Variants in PGGT1B observed in about 807,000 individuals in gnomAD.
The protein encoded by PGGT1B is protein geranylgeranyltransferase type I subunit beta.
PGGT1B carries 30 observed loss-of-function variants against 46.1 expected under a neutral mutation model. The ratio of observed to expected loss-of-function variants is 0.65; its 90% CI spans 0.49 to 0.88. The LOEUF is 0.88. Ranked by LOEUF, PGGT1B falls within the 40% of genes least tolerant of loss-of-function variation. The pLI is 0.00. For missense variants in PGGT1B, 376 were observed against 455.9 expected (o/e 0.82, Z 1.60); for synonymous variants, 170 against 160.0 (o/e 1.06, Z -0.47).
intron 5 of PGGT1B, among the ~76,000 whole-genome samples, chr5:115,233,775 C>CA (rs930684804): frequency 1.1e-4 from 16 of 151,538 alleles, no homozygotes; most frequent in Non-Finnish European, 1.8e-4. Flanking sequence ...AAGGTAAAAA[C>CA]AAAAAAAGTA....
chr5:115,230,376 G>C (rs538563305), intron 6 of PGGT1B, among the ~76,000 whole-genome samples: 54 of 152,074 alleles, frequency 3.6e-4, no homozygotes, highest in Non-Finnish European at 7.5e-4. Context: ...AAGAATGGAA[G>C]CTTATTTATC....
chr5:115,238,563 T>C (rs749103343), intron 3 of PGGT1B, among the ~76,000 whole-genome samples: 38 of 152,112 alleles, frequency 2.5e-4, no homozygotes, highest in Non-Finnish European at 3.1e-4. Flanking sequence ...GAAAAAAAGA[T>C]TTCTAAAACA....
rs1324315327 is a variant in PGGT1B, at chr5:115,207,292, AATATTC to A, written c.*5104_*5109del. 1 of 149,968 alleles carries A rather than the reference AATATTC, an allele frequency of 6.7e-6. No homozygotes were observed. The highest frequency in any genetic ancestry group is 2.5e-5 in the African/African-American group (1 of 40,786). 9.3% of individuals were successfully genotyped at this position (149,968 alleles called of 1,614,324 possible). On this transcript the variant is annotated 3_prime_UTR_variant, in exon 9 of 9. Coordinates refer to ENST00000419445, the MANE Select transcript of PGGT1B (RefSeq NM_005023.4). ...TGCACAAATCATATACAGCTTGATAAATATTCATAAGGTGAATGCACCTACGTAACC... is the reference window on the plus strand; with the variant it reads ...TGCACAAATCATATACAGCTTGATAAATAAGGTGAATGCACCTACGTAACC...
intron 1 of PGGT1B, among the ~76,000 whole-genome samples, chr5:115,260,364 C>T (rs1263017344): frequency 6.6e-6 from 1 of 152,000 alleles, no homozygotes; most frequent in Non-Finnish European, 1.5e-5. Context: ...ACACTGTATA[C>T]CTGTACCTAG....
intron 8 of PGGT1B, 96 bp downstream of exon 8, chr5:115,216,769 T>G (rs1756431791): frequency 1.4e-6 from 1 of 706,914 alleles, no homozygotes; most frequent in African/African-American, 1.8e-5. Flanking sequence ...ACTTTGCAAC[T>G]GGATATATTT....
intron 2 of PGGT1B, among the ~76,000 whole-genome samples, chr5:115,249,301 A>G (rs12153252): frequency 0.011 from 1,625 of 152,296 alleles, 9 homozygotes; most frequent in Non-Finnish European, 0.017. Flanking sequence ...ATAGCACTCA[A>G]ATATAAAATT....
At chr5:115,224,833 CAA>C (rs551706210) in intron 6 of PGGT1B, among the ~76,000 whole-genome samples, 5 of 65,714 alleles carry the variant, frequency 7.6e-5, no homozygotes, top group Admixed American at 3.2e-4. Flanking sequence ...GACTATGTCT[CAA>C]AAAAAAAAAA....
chr5:115,216,286 C>T (rs1561469381), intron 8 of PGGT1B, among the ~76,000 whole-genome samples: 2 of 152,044 alleles, frequency 1.3e-5, no homozygotes, highest in South Asian at 2.1e-4. Context: ...ACTACAGGCA[C>T]GCATCACCAC....
rs1227014772 is a variant in PGGT1B at position 115,241,566 on chromosome 5, G to A, written c.300C>T (p.Tyr100=). 4.4e-6 allele frequency: 7 copies of A among 1,607,784 alleles called. No homozygotes were observed. In the South Asian group the frequency reaches 5.5e-5, roughly 13 times the overall value. ...LNRCGFRGSS[Y]LGIPFNPSKA... is the part of the protein sequence containing the mutation. The stretch of plus-strand genomic sequence containing the variant: ...TTGATGGATTGAACGGAATACCCAG[G>A]TATGAAGAGCCTCGGAAACCACAGC... Residue 100 remains tyrosine, a synonymous_variant, in exon 3 of 9, where the codon TAC becomes TAT. Coordinates refer to ENST00000419445, the MANE Select transcript of PGGT1B (RefSeq NM_005023.4).
intron 1 of PGGT1B, among the ~76,000 whole-genome samples, chr5:115,260,355 C>T (rs1748501719): frequency 6.6e-6 from 1 of 152,048 alleles, no homozygotes; most frequent in African/African-American, 2.4e-5. Context: ...ATTAGTTTAA[C>T]ACTGTATACC....
intron 8 of PGGT1B, among the ~76,000 whole-genome samples, chr5:115,214,622 T>G (rs564249232): frequency 6.6e-6 from 1 of 152,302 alleles, no homozygotes; most frequent in East Asian, 1.9e-4. Flanking sequence ...CTGAAAACAT[T>G]GTAATGTATC....
chr5:115,245,389 T>C (rs181637147), intron 2 of PGGT1B, among the ~76,000 whole-genome samples: 2 of 152,332 alleles, frequency 1.3e-5, no homozygotes, highest in Admixed American at 1.3e-4. Context: ...AAAAGTACCA[T>C]ATAAGGTTAG....
rs561213782 is a variant in PGGT1B, at chr5:115,240,281, G to GC, written c.327+1257_327+1258insG. ...ATTTTACTCCTGTTATTTTGAAAAT[G>GC]TTTTGGTGCAGGCGTTGGTTGGGGG... On this transcript the variant is annotated intron_variant, in intron 3 of 8. Transcript: ENST00000419445. 6.6e-5 allele frequency among the ~76,000 whole-genome samples: 10 copies of GC among 152,258 alleles called. No individual in the cohort carries two copies. In the East Asian group the frequency reaches 1.7e-3, roughly 26 times the overall value.
chr5:115,238,484 C>A (rs890220143), intron 3 of PGGT1B, among the ~76,000 whole-genome samples: 2 of 150,998 alleles, frequency 1.3e-5, no homozygotes, highest in Non-Finnish European at 3.0e-5. Context: ...ATTATTTAAA[C>A]CTCAAACTTA....
At chr5:115,235,830 T>C (rs926060126) in intron 5 of PGGT1B, among the ~76,000 whole-genome samples, 1 of 152,108 alleles carries the variant, frequency 6.6e-6, no homozygotes, top group Non-Finnish European at 1.5e-5. Flanking sequence ...TATGAAAAGT[T>C]GAATTAACAG....
intron 1 of PGGT1B, among the ~76,000 whole-genome samples, chr5:115,261,098 G>A (rs1748538002): frequency 6.6e-6 from 1 of 152,144 alleles, no homozygotes; most frequent in Admixed American, 6.5e-5. Flanking sequence ...ACAAAAACAG[G>A]ATGGAAGACT....
At chr5:115,215,292 G>A (rs1294831553) in intron 8 of PGGT1B, among the ~76,000 whole-genome samples, 5 of 150,820 alleles carry the variant, frequency 3.3e-5, no homozygotes, top group East Asian at 2.0e-4. Flanking sequence ...CACTGCACCC[G>A]GCCATTTATT....
chr5:115,250,915 T>C (rs1012800470), intron 2 of PGGT1B, among the ~76,000 whole-genome samples: 1 of 152,186 alleles, frequency 6.6e-6, no homozygotes, highest in African/African-American at 2.4e-5. Flanking sequence ...GTGACACTCA[T>C]TCAAATAACT....
chr5:115,256,007 T>C (rs1422611468), intron 1 of PGGT1B, among the ~76,000 whole-genome samples: 4 of 152,088 alleles, frequency 2.6e-5, no homozygotes, highest in African/African-American at 9.7e-5. Context: ...TCTATGGGTG[T>C]AAGGTGGGGT....
Sources: gnomAD v4.1 joint callset for allele counts (sites outside exome capture counted in the v4.1 genomes callset) on GRCh38, gnomAD v4.1.1 for gene constraint, MANE v1.5 for transcripts, NCBI Gene and HGNC (gene_info 2026-07-23, HGNC 2026-07-21) for gene names.